Variants in BICC1 observed in about 807,000 individuals in gnomAD.
BICC1 encodes the protein BicC family RNA binding protein 1, also known as protein bicaudal C homolog 1.
Under a neutral mutation model 111.0 loss-of-function variants are expected in BICC1, and 43 were observed. That is an observed-to-expected ratio of 0.39 (90% CI 0.30 to 0.50). The LOEUF (loss-of-function observed/expected upper bound fraction) is 0.50. Among genes scored for constraint, BICC1 ranks in the 20% least tolerant of loss-of-function variants. The probability of loss-of-function intolerance (pLI) is 0.88; values close to 1 mark genes in which losing one functional copy is unlikely to be tolerated. For missense variants in BICC1, 1,091 were observed against 1,203.2 expected (o/e 0.91, Z 1.38); for synonymous variants, 467 against 434.4 (o/e 1.07, Z -0.93).
intron 1 of BICC1, among the ~76,000 whole-genome samples, chr10:58,555,917 G>C (rs1589094185): frequency 6.6e-6 from 1 of 152,124 alleles, no homozygotes; most frequent in Admixed American, 6.6e-5. Flanking sequence ...GACCCGAACT[G>C]TCATTCCCAG....
At chr10:58,723,909 T>C (rs1043355377) in intron 3 of BICC1, among the ~76,000 whole-genome samples, 7 of 152,234 alleles carry the variant, frequency 4.6e-5, no homozygotes, top group African/African-American at 1.7e-4. Context: ...TTTAGGAGTG[T>C]TGTCTAGCAA....
intron 6 of BICC1, among the ~76,000 whole-genome samples, 166 bp downstream of exon 6, chr10:58,788,589 A>G (rs1298201392): frequency 6.6e-6 from 1 of 152,206 alleles, no homozygotes; most frequent in Non-Finnish European, 1.5e-5. Flanking sequence ...TTATCTAAAT[A>G]TTTATTGTAT....
intron 1 of BICC1, among the ~76,000 whole-genome samples, chr10:58,517,033 TG>T (rs1200130781): frequency 1.3e-5 from 2 of 152,150 alleles, no homozygotes; most frequent in African/African-American, 4.8e-5. Flanking sequence ...AAAACATATA[TG>T]TGTACTATAA....
chr10:58,588,699 A>T (rs1320635087), intron 1 of BICC1, among the ~76,000 whole-genome samples: 5 of 152,212 alleles, frequency 3.3e-5, no homozygotes, highest in Non-Finnish European at 5.9e-5. Context: ...CACAGGTACC[A>T]TGTGGCTTTA....
chr10:58,754,036 T>C (rs1177000025), intron 3 of BICC1, among the ~76,000 whole-genome samples: 1 of 152,216 alleles, frequency 6.6e-6, no homozygotes, highest in East Asian at 1.9e-4. Context: ...GTATTAGGTG[T>C]ATAAAAAGGC....
intron 20 of BICC1, chr10:58,823,829 C>G: frequency 1.0e-6 from 1 of 985,252 alleles, no homozygotes; most frequent in African/African-American, 1.7e-5. Flanking sequence ...CTTAACGCTT[C>G]TATAAGTTTG....
chr10:58,548,702 A>G (rs1024251866), intron 1 of BICC1, among the ~76,000 whole-genome samples: 1 of 152,212 alleles, frequency 6.6e-6, no homozygotes, highest in Non-Finnish European at 1.5e-5. Flanking sequence ...TGCCTTTTTC[A>G]GAATGTCACA....
At chr10:58,618,247 T>G (rs1454612479) in intron 1 of BICC1, among the ~76,000 whole-genome samples, 1 of 151,572 alleles carries the variant, frequency 6.6e-6, no homozygotes, top group Non-Finnish European at 1.5e-5. Context: ...GGGGGTGGAG[T>G]GTAAGGAAAA....
intron 1 of BICC1, among the ~76,000 whole-genome samples, chr10:58,544,086 C>CCA (rs1366479742): frequency 6.6e-6 from 1 of 152,062 alleles, no homozygotes; most frequent in Non-Finnish European, 1.5e-5. Context: ...GGAACCTGAA[C>CCA]CATGAGTATT....
chr10:58,557,429 T>C (rs1843482672), intron 1 of BICC1, among the ~76,000 whole-genome samples: 1 of 152,082 alleles, frequency 6.6e-6, no homozygotes, highest in Non-Finnish European at 1.5e-5. Flanking sequence ...GGAATAATTT[T>C]AACCATTATT....
chr10:58,538,815 C>CA (rs1481979707), intron 1 of BICC1, among the ~76,000 whole-genome samples: 2 of 151,784 alleles, frequency 1.3e-5, no homozygotes, highest in Non-Finnish European at 3.0e-5. Flanking sequence ...AAATGGCCAA[C>CA]AAACATGCAG....
chr10:58,589,970 T>C (rs1471534027), intron 1 of BICC1, among the ~76,000 whole-genome samples: 4 of 152,124 alleles, frequency 2.6e-5, no homozygotes, highest in Admixed American at 6.6e-5. Context: ...TTTGCCTGGC[T>C]TAAGTTATAC....
chr10:58,601,141 T>TAC (rs1845015617), intron 1 of BICC1, among the ~76,000 whole-genome samples: 1 of 19,554 alleles, frequency 5.1e-5, no homozygotes, highest in Non-Finnish European at 9.3e-5. Flanking sequence ...TTTTAAAACT[T>TAC]ATATATATAT....
At chr10:58,786,796 C>A (rs1199540776) in intron 4 of BICC1, 127 bp from the exon 5 acceptor site, 3 of 516,130 alleles carry the variant, frequency 5.8e-6, no homozygotes, top group Non-Finnish European at 9.4e-6. Context: ...TTAAGATGAT[C>A]TTATTAAGAA....
chr10:58,690,647 C>T (rs1483678074), intron 2 of BICC1, among the ~76,000 whole-genome samples: 2 of 152,184 alleles, frequency 1.3e-5, no homozygotes, highest in African/African-American at 2.4e-5. Flanking sequence ...TGCCTGCTCA[C>T]CCAGTAGAGC....
chr10:58,806,872 A>G, intron 16 of BICC1, 132 bp from the exon 17 acceptor site: 1 of 866,788 alleles, frequency 1.2e-6, no homozygotes, highest in Non-Finnish European at 1.7e-6. Flanking sequence ...ATATTTTTAG[A>G]CATTTTGTGT....
chr10:58,721,174 C>A (rs1055017375), intron 3 of BICC1, among the ~76,000 whole-genome samples: 12 of 152,198 alleles, frequency 7.9e-5, no homozygotes, highest in Admixed American at 7.2e-4. Flanking sequence ...TTATTTATGT[C>A]TTTTCAGAAC....
chr10:58,700,766 G>T (rs964655701), intron 2 of BICC1, among the ~76,000 whole-genome samples: 1 of 152,156 alleles, frequency 6.6e-6, no homozygotes, highest in Non-Finnish European at 1.5e-5. Context: ...GCAGCTCAGA[G>T]CCTGCTGGCC....
chr10:58,716,886 G>T (rs534620947), intron 3 of BICC1, among the ~76,000 whole-genome samples: 2 of 151,346 alleles, frequency 1.3e-5, no homozygotes, highest in Non-Finnish European at 2.9e-5. Flanking sequence ...GGAGGTCAGA[G>T]CTGGCTACCA....
Sources: allele counts gnomAD v4.1 joint callset (sites outside exome capture counted in the v4.1 genomes callset), GRCh38; gene constraint gnomAD v4.1.1; transcripts MANE v1.5; gene names NCBI Gene and HGNC (gene_info 2026-07-23, HGNC 2026-07-21).